Variants in WDR33 observed in about 807,000 individuals in gnomAD.
WDR33 encodes the protein pre-mRNA 3' end processing protein WDR33.
Under a neutral mutation model 164.9 loss-of-function variants are expected in WDR33, and 47 were observed. The observed-to-expected ratio is 0.29, with a 90% confidence interval of 0.23 to 0.36. The LOEUF (loss-of-function observed/expected upper bound fraction) is 0.36, where lower values mean the gene tolerates loss of function less well. WDR33 is among the 10% of genes least tolerant of loss of function. The pLI is 1.00. For missense variants in WDR33, 1,137 were observed against 1,754.1 expected, an observed-to-expected ratio of 0.65 and a Z score of 6.28; for synonymous variants, 505 against 589.0, an observed-to-expected ratio of 0.86 and a Z score of 2.06.
rs536834904 is a variant in WDR33, at chr2:127,800,225, T to C, written c.-24+10787A>G. Among the ~76,000 whole-genome samples, 279 of 152,310 alleles carry C rather than the reference T, an allele frequency of 1.8e-3. 3 individuals carry two copies. Among genetic ancestry groups the C allele is most frequent in the African/African-American group, 6.5e-3 (269 of 41,560 alleles). ...ACGTGAATGTTTACAGCAGCGTTAT[T>C]AATAATAATCAAAAAGTGAAAACAA... is the stretch of plus-strand genomic sequence containing the variant. On this transcript the variant is annotated intron_variant, in intron 1 of 21. Coordinates refer to ENST00000322313, the MANE Select transcript of WDR33 (RefSeq NM_018383.5).
Position 127,722,740 on chromosome 2 carries a change from T to C in WDR33, c.1379-10A>G. On this transcript the variant is annotated splice_polypyrimidine_tract_variant and intron_variant, in intron 13 of 21. Transcript: ENST00000322313. The surrounding 1 kb of genome is among the most constrained non-coding windows in gnomAD (Gnocchi z 5.1). ...TTTGATTCATCTTTCCCTGTAACCG[T>C]AAAGAAAAGTGGTTTGCCTCTTAAA... 6.2e-7 allele frequency: 1 copy of C among 1,612,424 alleles called. No homozygotes were observed. Among genetic ancestry groups the C allele is most frequent in the Non-Finnish European group, 8.5e-7 (1 of 1,179,498 alleles).
chr2:127,770,773 C>T lies in WDR33; in HGVS notation c.204+5G>A, dbSNP rs751299222. 66 of 1,608,798 alleles carry T rather than the reference C, an allele frequency of 4.1e-5. No homozygotes were observed. Among genetic ancestry groups the T allele is most frequent in the Non-Finnish European group, 5.0e-5 (59 of 1,177,032 alleles). On this transcript the variant is annotated splice_donor_5th_base_variant and intron_variant, in intron 2 of 21. Coordinates refer to ENST00000322313, the MANE Select transcript of WDR33 (RefSeq NM_018383.5). The surrounding 1 kb of genome is among the most constrained non-coding windows in gnomAD (Gnocchi z 4.9). ...GGTCATCTGAAGCACATAAATCAGG[C>T]TTACCTCCAAATACTTAATTACAGA...
chr2:127,796,266 G>A (rs141119062), intron 1 of WDR33, among the ~76,000 whole-genome samples: 1,894 of 151,798 alleles, frequency 0.012, 63 homozygotes, highest in African/African-American at 0.044. Flanking sequence ...TAGAGACAGG[G>A]TTTCAACATG....
At chr2:127,798,204 C>A (rs1160473753) in intron 1 of WDR33, among the ~76,000 whole-genome samples, 2 of 150,818 alleles carry the variant, frequency 1.3e-5, no homozygotes, top group East Asian at 3.9e-4. Context: ...CCTGTCTCTA[C>A]TGAAAATACA....
In WDR33 at chr2:127,719,077, G is replaced by A. The variant is rs1181018633; in HGVS notation, c.2760+188C>T. 1.3e-5 allele frequency among the ~76,000 whole-genome samples: 2 copies of A among 152,214 alleles called. No homozygotes were observed. The highest frequency in any genetic ancestry group is 2.9e-5 in the Non-Finnish European group (2 of 68,036). Reference sequence around the variant, plus strand: ...AAATGAATACTGAGATGTACTTAATGGGAGTATAACCTAACTCATCATTCT... The same window carrying A: ...AAATGAATACTGAGATGTACTTAATAGGAGTATAACCTAACTCATCATTCT... On this transcript the variant is annotated intron_variant, in intron 16 of 21. Transcript: ENST00000322313. This position sits in a 1 kb window ranked among gnomAD's most constrained non-coding sequence, Gnocchi z 6.5.
rs781000228 is a variant in WDR33, at chr2:127,709,449, C to A, written c.3565+41G>T. 14 of 1,594,630 alleles carry A rather than the reference C, an allele frequency of 8.8e-6. No homozygotes were observed. The Admixed American group carries it at 1.0e-4, about 11-fold the overall frequency. The stretch of plus-strand genomic sequence containing the variant: ...GGGCCCTCAGAACTCACTTTGTGAA[C>A]TGCAGTCTAGAGTTACCCAACAAGC... On this transcript the variant is annotated intron_variant, in intron 20 of 21. Coordinates refer to ENST00000322313, the MANE Select transcript of WDR33 (RefSeq NM_018383.5). This position sits in a 1 kb window ranked among gnomAD's most constrained non-coding sequence, Gnocchi z 5.0.
At chr2:127,781,916 T>G (rs570736353) in intron 1 of WDR33, among the ~76,000 whole-genome samples, 1 of 148,852 alleles carries the variant, frequency 6.7e-6, no homozygotes, top group African/African-American at 2.5e-5. Context: ...GAGAATTGCC[T>G]GAACCCGGGA....
intron 8 of WDR33, among the ~76,000 whole-genome samples, chr2:127,725,735 AAATAATAATAAT>A (rs56352036): frequency 0.033 from 4,723 of 141,070 alleles, 123 homozygotes; most frequent in African/African-American, 0.071. Flanking sequence ...CTCTGTCTCA[AAATAATAATAAT>A]AATAATAATA....
chr2:127,711,751 G>GATATATATATATAGATATAT, intron 18 of WDR33, among the ~76,000 whole-genome samples: 1 of 71,600 alleles, frequency 1.4e-5, no homozygotes, highest in Admixed American at 1.4e-4. Flanking sequence ...CACATATACA[G>GATATATATATATAGATATAT]ATATATATAT....
intron 7 of WDR33, among the ~76,000 whole-genome samples, chr2:127,762,126 C>T (rs902838297): frequency 6.6e-6 from 1 of 152,148 alleles, no homozygotes; most frequent in African/African-American, 2.4e-5. Flanking sequence ...ATTTGACACC[C>T]AACACCCGTA....
chr2:127,714,071 A>G lies in WDR33; in HGVS notation c.2870-50T>C. On this transcript the variant is annotated intron_variant, in intron 17 of 21. Coordinates refer to ENST00000322313, the MANE Select transcript of WDR33 (RefSeq NM_018383.5). The surrounding 1 kb of genome is among the most constrained non-coding windows in gnomAD (Gnocchi z 4.3). ...ACCATGTCTTCCAGGAAACCTGCCA[A>G]CATAGGTCTGATCTGTAGCATCTCT... The G allele has an allele frequency of 1.4e-6, 2 of 1,470,036 alleles. No individual in the cohort carries two copies. The highest frequency in any genetic ancestry group is 1.8e-6 in the Non-Finnish European group (2 of 1,111,996). The allele number at this position is 1,470,036 out of a possible 1,614,324, so 91.1% of individuals were successfully genotyped here. A position where few individuals can be genotyped will look rare whatever the true frequency, so the allele number is the denominator to read the frequency against.
chr2:127,773,382 CCCT>C (rs1451427949), intron 1 of WDR33, among the ~76,000 whole-genome samples: 1 of 151,136 alleles, frequency 6.6e-6, no homozygotes, highest in Non-Finnish European at 1.5e-5. Context: ...TCACGTTGGT[CCCT>C]CCTAAGACCA....
intron 7 of WDR33, among the ~76,000 whole-genome samples, chr2:127,746,215 A>C (rs1451818100): frequency 6.6e-6 from 1 of 152,154 alleles, no homozygotes; most frequent in African/African-American, 2.4e-5. Context: ...CTATTTCAAT[A>C]TAATGTTATC....
chr2:127,720,011 G>C lies in WDR33; in HGVS notation c.2014C>G (p.His672Asp). The C allele has an allele frequency of 6.2e-7, 1 of 1,613,758 alleles. No homozygotes were observed. The highest frequency in any genetic ancestry group is 2.2e-5 in the East Asian group (1 of 44,856). Residue 672 changes from histidine (H) to aspartate (D), a missense_variant, in exon 16 of 22, where the codon CAT becomes GAT. Around this residue, in one of 9 missense-constraint regions of WDR33, gnomAD observed 867 missense variants for 1,073.0 expected, o/e 0.81. Transcript: ENST00000322313. The surrounding 1 kb of genome is among the most constrained non-coding windows in gnomAD (Gnocchi z 5.9). ...PQGLPRPQDM[H>D]GPQGMQRHPG... ...TGCCTCTGCATTCCTTGGGGCCCAT[G>C]CATGTCCTGAGGCCGTGGCAACCCC...
chr2:127,739,687 T>C (rs1686958110), intron 7 of WDR33, among the ~76,000 whole-genome samples: 1 of 152,252 alleles, frequency 6.6e-6, no homozygotes, highest in Non-Finnish European at 1.5e-5. Flanking sequence ...AGCATATATT[T>C]TGAACATTCA....
At chr2:127,753,945 G>A (rs1035625485) in intron 7 of WDR33, among the ~76,000 whole-genome samples, 2 of 152,074 alleles carry the variant, frequency 1.3e-5, no homozygotes, top group African/African-American at 4.8e-5. Flanking sequence ...GTGGGAAAGG[G>A]GCATGAAGAA....
At position 127,703,007 on chromosome 2, in the gene WDR33, A is replaced by G. The variant is rs370070374; in HGVS notation, c.*3316T>C. The G allele has an allele frequency of 6.2e-4, 104 of 167,202 alleles. 1 individual carries two copies. The South Asian group carries it at 0.015, about 24-fold the overall frequency. The allele number at this position is 167,202 out of a possible 1,614,324, so 10.4% of individuals were successfully genotyped here. A position where few individuals can be genotyped will look rare whatever the true frequency, so the allele number is the denominator to read the frequency against. On this transcript the variant is annotated 3_prime_UTR_variant, in exon 22 of 22. Coordinates refer to ENST00000322313, the MANE Select transcript of WDR33 (RefSeq NM_018383.5). The stretch of plus-strand genomic sequence containing the variant: ...AGCCTGCTTTGTAAACTAGTTTACA[A>G]TTTGCAGGCTGATCTTAAGATTTTT...
At chr2:127,804,590 G>C (rs887376683) in intron 1 of WDR33, among the ~76,000 whole-genome samples, 4 of 152,266 alleles carry the variant, frequency 2.6e-5, no homozygotes, top group African/African-American at 9.6e-5. Flanking sequence ...AAGCAAATGT[G>C]ACAAAATGTT....
intron 7 of WDR33, chr2:127,737,952 A>G (rs1318384483): frequency 1.2e-6 from 2 of 1,602,056 alleles, no homozygotes; most frequent in Non-Finnish European, 1.7e-6. Flanking sequence ...TCTTGGGTAT[A>G]TTCACAGAAG....
Sources: gnomAD v4.1 joint callset for allele counts (sites outside exome capture counted in the v4.1 genomes callset) on GRCh38, gnomAD v4.1.1 for gene constraint, gnomAD v4.1.1 regional missense constraint, Gnocchi (gnomAD v3.1) non-coding constraint, MANE v1.5 for transcripts, NCBI Gene and HGNC (gene_info 2026-07-23, HGNC 2026-07-21) for gene names.